The following ADCK1 variants were observed in gnomAD, a reference collection of about 807,000 sequenced individuals.
ADCK1 encodes the protein aarF domain containing kinase 1, also known as aarF domain-containing protein kinase 1.
Under a neutral mutation model 52.3 loss-of-function variants are expected in ADCK1, and 41 were observed. That is an observed-to-expected ratio of 0.78 (90% CI 0.61 to 1.02). ADCK1 has a LOEUF of 1.02. ADCK1 is among the 50% of genes least tolerant of loss of function. The pLI is 0.00. For synonymous variants in ADCK1, 250 were observed against 274.6 expected (o/e 0.91, Z 0.89); for missense variants, 658 against 679.5 (o/e 0.97, Z 0.35).
At chr14:77,896,506 C>G (rs1303196900) in intron 5 of ADCK1, among the ~76,000 whole-genome samples, 1 of 152,248 alleles carries the variant, frequency 6.6e-6, no homozygotes, top group African/African-American at 2.4e-5. Flanking sequence ...TGCCTGCATT[C>G]CAAGCCCAGA....
chr14:77,875,710 T>C (rs995982753), intron 4 of ADCK1, among the ~76,000 whole-genome samples: 1 of 151,996 alleles, frequency 6.6e-6, no homozygotes, highest in Non-Finnish European at 1.5e-5. Context: ...GCAGAGGAAA[T>C]TGGGCTCCTT....
chr14:77,854,697 C>A (rs1160783495), intron 3 of ADCK1, among the ~76,000 whole-genome samples: 1 of 151,886 alleles, frequency 6.6e-6, no homozygotes, highest in African/African-American at 2.4e-5. Flanking sequence ...GCTGAGATTG[C>A]AGGTGCCCTC....
chr14:77,869,419 C>T (rs1457759386), intron 4 of ADCK1, among the ~76,000 whole-genome samples: 4 of 152,170 alleles, frequency 2.6e-5, no homozygotes, highest in African/African-American at 9.7e-5. Flanking sequence ...ATGTGGGTGT[C>T]TGGCTCTGTG....
intron 5 of ADCK1, among the ~76,000 whole-genome samples, chr14:77,893,737 CTTTTT>C (rs1555356623): frequency 2.0e-5 from 1 of 50,354 alleles, no homozygotes; most frequent in African/African-American, 8.1e-5. Context: ...TCCTTCCTTC[CTTTTT>C]TTTTTTTTTT....
chr14:77,831,710 A>G (rs531246283), intron 3 of ADCK1, among the ~76,000 whole-genome samples: 4 of 151,036 alleles, frequency 2.6e-5, no homozygotes, highest in Non-Finnish European at 4.4e-5. Flanking sequence ...TTGGCCTCCC[A>G]AAGTGTTGGG....
chr14:77,881,841 C>T (rs1021565538), intron 4 of ADCK1, among the ~76,000 whole-genome samples: 1 of 152,124 alleles, frequency 6.6e-6, no homozygotes, highest in African/African-American at 2.4e-5. Flanking sequence ...TGTGCTTGTG[C>T]CACTTGCTGT....
intron 3 of ADCK1, among the ~76,000 whole-genome samples, chr14:77,846,254 C>T (rs765574083): frequency 4.6e-5 from 7 of 152,208 alleles, no homozygotes; most frequent in African/African-American, 9.7e-5. Context: ...GTGCCACCCC[C>T]GTCTTCTCAC....
intron 3 of ADCK1, among the ~76,000 whole-genome samples, chr14:77,845,634 A>G (rs2082158932): frequency 6.6e-6 from 1 of 152,152 alleles, no homozygotes; most frequent in Non-Finnish European, 1.5e-5. Flanking sequence ...CATGTTGACC[A>G]GGTTGGTCTC....
chr14:77,844,333 G>A (rs894632510), intron 3 of ADCK1, among the ~76,000 whole-genome samples: 4 of 152,014 alleles, frequency 2.6e-5, no homozygotes, highest in African/African-American at 7.3e-5. Flanking sequence ...CAACCACCTC[G>A]ACCTCCCAAA....
intron 4 of ADCK1, among the ~76,000 whole-genome samples, chr14:77,861,180 T>C (rs1594957427): frequency 6.6e-6 from 1 of 152,114 alleles, no homozygotes; most frequent in Non-Finnish European, 1.5e-5. Context: ...CCTGAGGAAA[T>C]GGGCTACTGT....
chr14:77,870,196 C>T (rs1456714687), intron 4 of ADCK1, among the ~76,000 whole-genome samples: 1 of 152,172 alleles, frequency 6.6e-6, no homozygotes, highest in Non-Finnish European at 1.5e-5. Context: ...TCTGGTTTTC[C>T]ATCTGAGGAG....
intron 4 of ADCK1, among the ~76,000 whole-genome samples, chr14:77,881,364 TGA>T (rs2083018196): frequency 6.6e-6 from 1 of 152,098 alleles, no homozygotes; most frequent in Admixed American, 6.5e-5. Context: ...CAAGGGCGAG[TGA>T]GAGACTCGTC....
At chr14:77,814,430 A>AC (rs1555346591) in intron 1 of ADCK1, among the ~76,000 whole-genome samples, 9 of 150,408 alleles carry the variant, frequency 6.0e-5, no homozygotes, top group South Asian at 4.2e-4. Flanking sequence ...TTTACTGAAA[A>AC]AAAAAACAAA....
intron 1 of ADCK1, among the ~76,000 whole-genome samples, chr14:77,810,811 G>A (rs1222853144): frequency 2.6e-5 from 4 of 152,170 alleles, no homozygotes; most frequent in African/African-American, 4.8e-5. Flanking sequence ...GATTACAGGC[G>A]TGAGCCTCCG....
At chr14:77,879,325 G>C (rs2082968330) in intron 4 of ADCK1, among the ~76,000 whole-genome samples, 1 of 152,188 alleles carries the variant, frequency 6.6e-6, no homozygotes, top group African/African-American at 2.4e-5. Flanking sequence ...AATATGAAGA[G>C]GTAAATGTGC....
At chr14:77,881,373 C>T (rs1166643484) in intron 4 of ADCK1, among the ~76,000 whole-genome samples, 1 of 152,166 alleles carries the variant, frequency 6.6e-6, no homozygotes, top group African/African-American at 2.4e-5. Context: ...GTGAGAGACT[C>T]GTCACAGCCT....
intron 6 of ADCK1, among the ~76,000 whole-genome samples, 179 bp from the exon 7 acceptor site, chr14:77,907,624 C>CA (rs2083695631): frequency 6.6e-6 from 1 of 152,214 alleles, no homozygotes; most frequent in Non-Finnish European, 1.5e-5. Context: ...GTGGAGTAGC[C>CA]AGCCTCCCTC....
chr14:77,838,764 G>T (rs1246925404), intron 3 of ADCK1, among the ~76,000 whole-genome samples: 2 of 152,314 alleles, frequency 1.3e-5, no homozygotes, highest in African/African-American at 4.8e-5. Context: ...ATGGGATGAA[G>T]GGGGATGTCT....
intron 1 of ADCK1, among the ~76,000 whole-genome samples, chr14:77,818,072 T>A (rs1321120188): frequency 1.3e-5 from 2 of 152,124 alleles, no homozygotes; most frequent in East Asian, 3.9e-4. Context: ...AAGTAAATGT[T>A]TTGAAAATCA....
Sources: allele counts gnomAD v4.1 joint callset (sites outside exome capture counted in the v4.1 genomes callset), GRCh38; gene constraint gnomAD v4.1.1; transcripts MANE v1.5; gene names NCBI Gene and HGNC (gene_info 2026-07-23, HGNC 2026-07-21).